The following LAMC3 variants were observed in gnomAD, a reference collection of about 807,000 sequenced individuals.
LAMC3 encodes the protein laminin subunit gamma 3.
LAMC3 carries 128 observed loss-of-function variants against 173.8 expected under a neutral mutation model. The ratio of observed to expected loss-of-function variants is 0.74; its 90% CI spans 0.64 to 0.85. The LOEUF is 0.85. LAMC3 is among the 40% of genes least tolerant of loss of function. The pLI is 0.00. For synonymous variants in LAMC3, 897 were observed against 909.1 expected (o/e 0.99, Z 0.24); for missense variants, 2,022 against 2,156.0 (o/e 0.94, Z 1.23).
chr9:131,054,253 C>A (rs1834355359), intron 11 of LAMC3, among the ~76,000 whole-genome samples: 2 of 152,046 alleles, frequency 1.3e-5, no homozygotes, highest in Admixed American at 6.6e-5. Context: ...TTTTGAGGAC[C>A]TCTGGCTCAG....
At chr9:131,059,070 C>T (rs1043752074) in intron 12 of LAMC3, among the ~76,000 whole-genome samples, 2 of 151,974 alleles carry the variant, frequency 1.3e-5, no homozygotes, top group African/African-American at 4.8e-5. Context: ...TGGTTAGGTG[C>T]CTGTAATCCC....
intron 23 of LAMC3, 81 bp from the exon 24 acceptor site, chr9:131,081,978 G>A: frequency 1.0e-6 from 1 of 974,470 alleles, no homozygotes; most frequent in Non-Finnish European, 1.6e-6. Flanking sequence ...ACCCATGTAT[G>A]TGGGTTTGGT....
chr9:131,059,150 C>T (rs545611316), intron 12 of LAMC3, among the ~76,000 whole-genome samples: 4 of 151,340 alleles, frequency 2.6e-5, no homozygotes, highest in Non-Finnish European at 4.4e-5. Context: ...GAGCCGGGAT[C>T]GCGCCGCTGC....
At chr9:131,045,812 T>C in intron 8 of LAMC3, 152 bp downstream of exon 8, 1 of 961,846 alleles carries the variant, frequency 1.0e-6, no homozygotes, top group Non-Finnish European at 1.6e-6. Context: ...GGTGAGATGA[T>C]GGCTCCCCAG....
chr9:131,055,569 C>T lies in LAMC3; in HGVS notation c.1940-1360C>T, dbSNP rs538913477. On this transcript the variant is annotated intron_variant, in intron 11 of 27. Transcript: ENST00000361069. ...CCTCCCGAGTAGCTAGGACTACAGG[C>T]GCCCGCCACCACGCCCGGCTAATTT... 5.9e-5 allele frequency among the ~76,000 whole-genome samples: 9 copies of T among 151,542 alleles called. No individual in the cohort carries two copies. The East Asian group carries it at 9.7e-4, about 16-fold the overall frequency.
chr9:131,067,171 C>T lies in LAMC3; in HGVS notation c.2559C>T (p.Ser853=), dbSNP rs34652877. 0.026 allele frequency: 42,446 copies of T among 1,614,058 alleles called. 634 individuals carry two copies. The highest frequency in any genetic ancestry group is 0.031 in the Non-Finnish European group (36,166 of 1,180,002). The part of the protein sequence containing the change: ...CEHCQEGFYG[S]ALAPRPADKC... ...ACTGTCAGGAAGGCTTCTACGGGAGCGCCCTGGCCCCTCGACCCGCAGACA... is the reference window on the plus strand; with the variant it reads ...ACTGTCAGGAAGGCTTCTACGGGAGTGCCCTGGCCCCTCGACCCGCAGACA... Residue 853 remains serine (S), a synonymous_variant, in exon 14 of 28, where the codon AGC becomes AGT. Coordinates refer to ENST00000361069, the MANE Select transcript of LAMC3 (RefSeq NM_006059.4).
intron 13 of LAMC3, among the ~76,000 whole-genome samples, chr9:131,062,848 G>A (rs12352380): frequency 0.048 from 7,208 of 150,722 alleles, 555 homozygotes; most frequent in African/African-American, 0.17. Context: ...CAGCCTGGGT[G>A]ACAGAGCAAG....
intron 6 of LAMC3, 45 bp downstream of exon 6, chr9:131,039,293 A>T (rs753504688): frequency 6.6e-7 from 1 of 1,507,800 alleles, no homozygotes; most frequent in Non-Finnish European, 9.1e-7. Context: ...GCACTGAATG[A>T]CAAGAAGCAG....
intron 1 of LAMC3, among the ~76,000 whole-genome samples, chr9:131,019,337 C>CCATG (rs1479854189): frequency 6.6e-6 from 1 of 152,216 alleles, no homozygotes; most frequent in Non-Finnish European, 1.5e-5. Flanking sequence ...GGGGCAGGTG[C>CCATG]CATGAATCCT....
At chr9:131,090,244 C>T (rs948672923) in intron 27 of LAMC3, among the ~76,000 whole-genome samples, 1 of 152,252 alleles carries the variant, frequency 6.6e-6, no homozygotes, top group African/African-American at 2.4e-5. Flanking sequence ...ACACTCTCTT[C>T]AACCATTCCT....
intron 24 of LAMC3, among the ~76,000 whole-genome samples, chr9:131,084,495 C>T (rs552397677): frequency 7.2e-5 from 11 of 152,238 alleles, no homozygotes; most frequent in East Asian, 3.9e-4. Context: ...AATGAGCCAC[C>T]GCACCTGACT....
Position 131,068,203 on chromosome 9 carries a change from G to A in LAMC3, c.2719G>A (p.Asp907Asn), listed in dbSNP as rs1419757016. 5.6e-6 allele frequency: 9 copies of A among 1,611,816 alleles called. No individual in the cohort carries two copies. The highest frequency in any genetic ancestry group is 3.3e-5 in the South Asian group (3 of 91,080). ...DCSRCYPGFF[D>N]LQPGRGCRSC... is the part of the protein sequence containing the mutation. The stretch of plus-strand genomic sequence containing the variant: ...CAGCCGCTGCTACCCTGGCTTCTTC[G>A]ACCTCCAGCCTGGGAGGGGCTGCCG... The change falls in exon 15 of 28, where the codon GAC becomes AAC. Residue 907 changes from aspartate (D) to asparagine (N), a missense_variant. Transcript: ENST00000361069.
At chr9:131,046,691 C>T (rs1054563247) in intron 8 of LAMC3, among the ~76,000 whole-genome samples, 1 of 151,696 alleles carries the variant, frequency 6.6e-6, no homozygotes, top group Admixed American at 6.6e-5. Context: ...TGGCCTATAC[C>T]GTGGTCCCTG....
Position 131,073,168 on chromosome 9 carries a change from T to C in LAMC3, c.3418-77T>C, listed in dbSNP as rs1830065708. The C allele has an allele frequency of 5.4e-6, 6 of 1,118,414 alleles. No individual in the cohort carries two copies. In the Admixed American group the frequency reaches 1.0e-4, roughly 19 times the overall value. The allele number at this position is 1,118,414 out of a possible 1,614,324, so 69.3% of individuals were successfully genotyped here. Reference sequence around the variant, plus strand: ...ACGACGGGTGCCATCCAGTTCTGCCTCACAATTGGACCAGATGTGGCCCTT... The same window carrying C: ...ACGACGGGTGCCATCCAGTTCTGCCCCACAATTGGACCAGATGTGGCCCTT... On this transcript the variant is annotated intron_variant, in intron 19 of 27. Transcript: ENST00000361069.
Position 131,070,293 on chromosome 9 carries a change from C to A in LAMC3, c.3069+443C>A, listed in dbSNP as rs565317672. Among the ~76,000 whole-genome samples the A allele has an allele frequency of 7.2e-5, 11 of 152,344 alleles. No individual in the cohort carries two copies. The East Asian group carries it at 1.5e-3, about 21-fold the overall frequency. On this transcript the variant is annotated intron_variant, in intron 17 of 27. Coordinates refer to ENST00000361069, the MANE Select transcript of LAMC3 (RefSeq NM_006059.4). ...ATTCATTGTCATGTGTCTGGGCAGG[C>A]AACAGCCTTGGTAAGCCTCTGTCTC...
chr9:131,052,841 T>C lies in LAMC3; in HGVS notation c.1824-9T>C, dbSNP rs1588152882. ...GTCGGGATCTCACTTTGACCGCTTC[T>C]CTCGCCAGCCTGCAGGAGACCTCCG... On this transcript the variant is annotated splice_polypyrimidine_tract_variant and intron_variant, in intron 10 of 27. Transcript: ENST00000361069. 5 of 1,583,422 alleles carry C rather than the reference T, an allele frequency of 3.2e-6. No homozygotes were observed. The highest frequency in any genetic ancestry group is 4.3e-6 in the Non-Finnish European group (5 of 1,154,914).
intron 9 of LAMC3, among the ~76,000 whole-genome samples, 183 bp from the exon 10 acceptor site, chr9:131,052,308 C>G (rs896833142): frequency 6.6e-6 from 1 of 152,170 alleles, no homozygotes; most frequent in African/African-American, 2.4e-5. Flanking sequence ...AGTGTGGGGG[C>G]GTGTGTGACT....
chr9:131,025,931 C>A (rs945305366), intron 1 of LAMC3, among the ~76,000 whole-genome samples: 5 of 152,182 alleles, frequency 3.3e-5, no homozygotes, highest in Non-Finnish European at 7.4e-5. Flanking sequence ...AAAGAAATAA[C>A]TTTCTAACGG....
chr9:131,031,007 C>T (rs1833813759), intron 2 of LAMC3, among the ~76,000 whole-genome samples: 1 of 152,254 alleles, frequency 6.6e-6, no homozygotes, highest in Non-Finnish European at 1.5e-5. Flanking sequence ...GGTGCAGAGG[C>T]TCCCACTTTA....
Sources: gnomAD v4.1 joint callset for allele counts (sites outside exome capture counted in the v4.1 genomes callset) on GRCh38, gnomAD v4.1.1 for gene constraint, MANE v1.5 for transcripts, NCBI Gene and HGNC (gene_info 2026-07-23, HGNC 2026-07-21) for gene names.